Variants in PPP2R5E observed in about 807,000 individuals in gnomAD.
PPP2R5E encodes protein phosphatase 2 regulatory subunit B'epsilon.
In PPP2R5E, 4 loss-of-function variants were observed where a neutral mutation model predicts 65.3. The observed-to-expected ratio is 0.06, with a 90% CI of 0.03 to 0.14. PPP2R5E has a LOEUF of 0.14. Ranked by LOEUF, PPP2R5E falls within the 10% of genes least tolerant of loss-of-function variation. The pLI, the probability that PPP2R5E is intolerant of heterozygous loss-of-function variation, is 1.00. For missense variants in PPP2R5E, 274 were observed against 556.1 expected, an observed-to-expected ratio of 0.49 and a Z score of 5.10; for synonymous variants, 183 against 187.4, an observed-to-expected ratio of 0.98 and a Z score of 0.19.
chr14:63,539,503 A>G lies in PPP2R5E; in HGVS notation c.157+26T>C, dbSNP rs1893800597. 3 of 1,598,322 alleles carry G rather than the reference A, an allele frequency of 1.9e-6. No individual in the cohort carries two copies. The African/African-American group carries it at 4.0e-5, about 22-fold the overall frequency. ...ATGTAGAAAGATCAATTGAAAAAGA[A>G]TGCATCACCTGGTCATGAGCCTTAC... On this transcript the variant is annotated intron_variant, in intron 2 of 13. Coordinates refer to ENST00000337537, the MANE Select transcript of PPP2R5E (RefSeq NM_006246.5).
At chr14:63,426,958 G>C (rs2139905375) in intron 3 of PPP2R5E, among the ~76,000 whole-genome samples, 1 of 152,276 alleles carries the variant, frequency 6.6e-6, no homozygotes, top group South Asian at 2.1e-4. Context: ...AAGGCCAGTT[G>C]CCTTCATCAG....
Position 63,374,629 on chromosome 14 carries a change from A to G in PPP2R5E, c.*1380T>C, listed in dbSNP as rs1420639235. The G allele has an allele frequency of 7.3e-5, 6 of 82,294 alleles. No individual in the cohort carries two copies. Among genetic ancestry groups the G allele is most frequent in the African/African-American group, 1.6e-4 (3 of 18,624 alleles). The allele number at this position is 82,294 out of a possible 1,614,324, so 5.1% of individuals were successfully genotyped here. The stretch of plus-strand genomic sequence containing the variant: ...TCATTTAAATACAAAGCAGAGAGCC[A>G]ATAAGATATATATATATATATATAT... On this transcript the variant is annotated 3_prime_UTR_variant, in exon 14 of 14. Coordinates refer to ENST00000337537, the MANE Select transcript of PPP2R5E (RefSeq NM_006246.5).
chr14:63,415,677 C>A (rs548815802), intron 4 of PPP2R5E, among the ~76,000 whole-genome samples: 34 of 152,176 alleles, frequency 2.2e-4, no homozygotes, highest in Non-Finnish European at 4.4e-4. Flanking sequence ...GTATTATGAA[C>A]AATTTACATC....
intron 2 of PPP2R5E, among the ~76,000 whole-genome samples, chr14:63,457,477 T>C (rs1889183550): frequency 6.6e-6 from 1 of 152,190 alleles, no homozygotes; most frequent in Non-Finnish European, 1.5e-5. Flanking sequence ...CCAAGTCACC[T>C]GGAAATCTAA....
intron 2 of PPP2R5E, among the ~76,000 whole-genome samples, chr14:63,463,321 T>C (rs904537223): frequency 2.0e-5 from 3 of 150,736 alleles, no homozygotes; most frequent in Non-Finnish European, 1.5e-5. Context: ...TTGTATCTTT[T>C]AGTAGAGACG....
intron 11 of PPP2R5E, among the ~76,000 whole-genome samples, chr14:63,388,413 A>G (rs1449433327): frequency 6.6e-6 from 1 of 152,220 alleles, no homozygotes; most frequent in Non-Finnish European, 1.5e-5. Context: ...TGCTGGGATC[A>G]CAGGCATGAG....
At chr14:63,390,295 GAC>G (rs59239063) in intron 10 of PPP2R5E, among the ~76,000 whole-genome samples, 6,592 of 139,774 alleles carry the variant, frequency 0.047, 159 homozygotes, top group East Asian at 0.12. Context: ...ACGCATTCTC[GAC>G]ACACACACAC....
At chr14:63,398,874 T>C (rs1885564703) in intron 5 of PPP2R5E, among the ~76,000 whole-genome samples, 1 of 152,148 alleles carries the variant, frequency 6.6e-6, no homozygotes, top group Non-Finnish European at 1.5e-5. Context: ...TAATAAAAAG[T>C]GTTGGCGAGG....
chr14:63,490,563 A>C (rs1300292461), intron 2 of PPP2R5E, among the ~76,000 whole-genome samples: 2 of 152,102 alleles, frequency 1.3e-5, no homozygotes, highest in African/African-American at 4.8e-5. Context: ...CCCCATTAAA[A>C]AGCGGGCAAA....
intron 2 of PPP2R5E, among the ~76,000 whole-genome samples, chr14:63,526,531 T>C (rs1893192416): frequency 6.6e-6 from 1 of 151,992 alleles, no homozygotes; most frequent in African/African-American, 2.4e-5. Context: ...TCTCTTTCTC[T>C]CTCTCTCTCT....
In PPP2R5E at chr14:63,454,744, C is replaced by G. The variant is rs187607791; in HGVS notation, c.158-859G>C. ...CGACTAAGCTGTAGACAGCCTATCC[C>G]CTCCTATCTTCTTTCCAATATTTCA... On this transcript the variant is annotated intron_variant, in intron 2 of 13. Transcript: ENST00000337537. Among the ~76,000 whole-genome samples, 5 of 152,306 alleles carry G rather than the reference C, an allele frequency of 3.3e-5. No individual in the cohort carries two copies. In the East Asian group the frequency reaches 9.6e-4, roughly 29 times the overall value.
intron 5 of PPP2R5E, among the ~76,000 whole-genome samples, chr14:63,406,403 T>C (rs1886094650): frequency 6.8e-6 from 1 of 147,442 alleles, no homozygotes; most frequent in African/African-American, 2.5e-5. Flanking sequence ...AGAGCTAGAC[T>C]TCATCTCAAA....
chr14:63,488,203 ATT>A (rs34672945), intron 2 of PPP2R5E, among the ~76,000 whole-genome samples: 12 of 148,278 alleles, frequency 8.1e-5, no homozygotes, highest in East Asian at 2.0e-4. Flanking sequence ...TCAGTGAATG[ATT>A]TTTTTTTTTT....
chr14:63,524,521 T>C (rs1893100385), intron 2 of PPP2R5E, among the ~76,000 whole-genome samples: 1 of 152,158 alleles, frequency 6.6e-6, no homozygotes, highest in African/African-American at 2.4e-5. Flanking sequence ...AAAGCTAAGA[T>C]TATCACCTAG....
intron 2 of PPP2R5E, among the ~76,000 whole-genome samples, chr14:63,524,993 A>T (rs1034658331): frequency 3.9e-5 from 6 of 152,224 alleles, no homozygotes; most frequent in African/African-American, 1.4e-4. Context: ...CACAACAAGG[A>T]AGTTACCAGC....
intron 2 of PPP2R5E, among the ~76,000 whole-genome samples, chr14:63,520,562 G>C (rs1042712396): frequency 6.6e-6 from 1 of 152,090 alleles, no homozygotes; most frequent in Non-Finnish European, 1.5e-5. Flanking sequence ...GTATCATATG[G>C]CTCAACAGAA....
intron 5 of PPP2R5E, among the ~76,000 whole-genome samples, chr14:63,403,137 T>C (rs1885851538): frequency 6.6e-6 from 1 of 152,024 alleles, no homozygotes; most frequent in Admixed American, 6.6e-5. Context: ...CAATAAAGTA[T>C]GTAGGCAGGC....
At chr14:63,432,065 A>G (rs571585250) in intron 3 of PPP2R5E, among the ~76,000 whole-genome samples, 10 of 152,218 alleles carry the variant, frequency 6.6e-5, no homozygotes, top group African/African-American at 2.4e-4. Flanking sequence ...CTTAAAACTT[A>G]TAATACCCAA....
intron 5 of PPP2R5E, among the ~76,000 whole-genome samples, chr14:63,403,238 G>T (rs1334825634): frequency 6.6e-6 from 1 of 151,942 alleles, no homozygotes. Context: ...ACCAACATGG[G>T]CTAACATGGT....
Sources: allele counts gnomAD v4.1 joint callset (sites outside exome capture counted in the v4.1 genomes callset), GRCh38; gene constraint gnomAD v4.1.1; transcripts MANE v1.5; gene names NCBI Gene and HGNC (gene_info 2026-07-23, HGNC 2026-07-21).